NXPE2: variants seen among roughly 807,000 people sequenced by gnomAD.
NXPE2 encodes neurexophilin and PC-esterase domain family member 2, also known as NXPE family member 2.
A neutral mutation model predicts 34.4 loss-of-function variants in NXPE2; 34 were observed. The observed-to-expected ratio is 0.99, with a 90% CI of 0.75 to 1.31. NXPE2 has a LOEUF of 1.31. Ranked by LOEUF, NXPE2 falls within the 40% of genes most tolerant of loss-of-function variation. NXPE2 has a pLI of 0.00. For missense variants in NXPE2, 649 were observed against 672.5 expected, an observed-to-expected ratio of 0.97 and a Z score of 0.39; for synonymous variants, 235 against 231.3, an observed-to-expected ratio of 1.02 and a Z score of -0.15.
chr11:114,670,114 T>C, the NXPE2 span, among the ~76,000 whole-genome samples: 1 of 152,020 alleles, frequency 6.6e-6, no homozygotes, highest in Non-Finnish European at 1.5e-5. Flanking sequence ...AAGGAGTCTA[T>C]ATTTAATTTA....
At chr11:114,760,331 G>A in the NXPE2 span, among the ~76,000 whole-genome samples, 1 of 152,182 alleles carries the variant, frequency 6.6e-6, no homozygotes, top group Admixed American at 6.5e-5. Context: ...GTAAGAATAT[G>A]TCGGTGCCCC....
the NXPE2 span, among the ~76,000 whole-genome samples, chr11:114,557,634 CATAT>C: frequency 0.12 from 15,136 of 127,052 alleles, 1,013 homozygotes; most frequent in Middle Eastern, 0.17. Context: ...ATATATAATA[CATAT>C]ATATATATAT....
the NXPE2 span, among the ~76,000 whole-genome samples, chr11:114,800,412 A>G: frequency 1.3e-5 from 2 of 152,242 alleles, no homozygotes; most frequent in African/African-American, 4.8e-5. Context: ...GGTAGTAGCG[A>G]AGGTTAGACT....
At chr11:114,729,366 A>C in the NXPE2 span, among the ~76,000 whole-genome samples, 7 of 152,272 alleles carry the variant, frequency 4.6e-5, no homozygotes, top group African/African-American at 1.4e-4. Context: ...TACTGTGATG[A>C]ACTTACAAGT....
At chr11:114,485,575 C>T in the NXPE2 span, among the ~76,000 whole-genome samples, 2 of 151,756 alleles carry the variant, frequency 1.3e-5, no homozygotes, top group Admixed American at 1.3e-4. Flanking sequence ...ACTATAGTCA[C>T]CCTGTTGTGC....
At chr11:114,778,244 C>T in the NXPE2 span, among the ~76,000 whole-genome samples, 7 of 152,014 alleles carry the variant, frequency 4.6e-5, no homozygotes, top group African/African-American at 7.2e-5. Flanking sequence ...AGAAGGAACA[C>T]GATGACAAAG....
chr11:114,809,218 C>A, the NXPE2 span, among the ~76,000 whole-genome samples: 1 of 151,966 alleles, frequency 6.6e-6, no homozygotes, highest in Non-Finnish European at 1.5e-5. Context: ...CTATCTATGA[C>A]AAACCCACAA....
chr11:114,706,491 G>T lies in NXPE2; in HGVS notation c.1241G>T (p.Gly414Val). 3 of 1,551,674 alleles carry T rather than the reference G, an allele frequency of 1.9e-6. No homozygotes were observed. The highest frequency in any genetic ancestry group is 2.4e-5 in the South Asian group (2 of 84,062). Reference protein sequence around the residue: ...RHILIQWKKHGHPFVTKKLFS... With the variant: ...RHILIQWKKHVHPFVTKKLFS... ...ATTTTGATTCAGTGGAAAAAACATG[G>T]TCATCCATTTGTTACCAAAAAATTA... Residue 414 changes from glycine to valine, a missense_variant, in exon 6 of 6, where the codon GGT becomes GTT. Coordinates refer to ENST00000389586, the MANE Select transcript of NXPE2 (RefSeq NM_182495.6).
the NXPE2 span, among the ~76,000 whole-genome samples, chr11:114,609,461 G>T: frequency 6.6e-6 from 1 of 151,824 alleles, no homozygotes; most frequent in Non-Finnish European, 1.5e-5. Flanking sequence ...GTTACCCAAT[G>T]GATAATAAGT....
the NXPE2 span, among the ~76,000 whole-genome samples, chr11:114,642,654 A>G: frequency 6.6e-6 from 1 of 151,968 alleles, no homozygotes; most frequent in Non-Finnish European, 1.5e-5. Context: ...TTCTTTATCC[A>G]GTCTATTATT....
At chr11:114,716,899 C>T in the NXPE2 span, among the ~76,000 whole-genome samples, 12 of 151,928 alleles carry the variant, frequency 7.9e-5, no homozygotes, top group Admixed American at 1.3e-4. Context: ...TAGTTTCTGT[C>T]TTTCTATATA....
chr11:114,631,778 A>G, the NXPE2 span, among the ~76,000 whole-genome samples: 1 of 151,594 alleles, frequency 6.6e-6, no homozygotes, highest in Non-Finnish European at 1.5e-5. Context: ...GTATTGCCTC[A>G]TGAGTAATCA....
the NXPE2 span, among the ~76,000 whole-genome samples, chr11:114,603,148 T>C: frequency 5.9e-5 from 9 of 151,788 alleles, no homozygotes; most frequent in African/African-American, 1.4e-4. Context: ...ATTATTGCCT[T>C]GTCTCCTAGG....
chr11:114,681,456 A>G (rs1406145450), intron 2 of NXPE2, among the ~76,000 whole-genome samples: 1 of 152,192 alleles, frequency 6.6e-6, no homozygotes, highest in Non-Finnish European at 1.5e-5. Flanking sequence ...GGACTCATTT[A>G]AATAAAGGGC....
chr11:114,704,028 C>T lies in NXPE2; in HGVS notation c.904C>T (p.Pro302Ser). Reference sequence around the variant, plus strand: ...AGTTGAAATGATGAAGAACTTTACCCCCATTGAGGTCATACCATGCAACAG... The same window carrying T: ...AGTTGAAATGATGAAGAACTTTACCTCCATTGAGGTCATACCATGCAACAG... ...IGVEMMKNFT[P>S]IEVIPCNKSE... The change falls in exon 4 of 6, where the codon CCC (proline) becomes TCC (serine). Residue 302 changes from proline to serine, a missense_variant. Pro to Ser is a moderately conservative substitution (Grantham distance 74). Coordinates refer to ENST00000389586, the MANE Select transcript of NXPE2 (RefSeq NM_182495.6). The T allele has an allele frequency of 7.1e-6, 11 of 1,551,798 alleles. No individual in the cohort carries two copies. The highest frequency in any genetic ancestry group is 9.6e-6 in the Non-Finnish European group (11 of 1,146,672).
At chr11:114,485,658 A>G in the NXPE2 span, among the ~76,000 whole-genome samples, 5 of 151,836 alleles carry the variant, frequency 3.3e-5, no homozygotes, top group African/African-American at 1.2e-4. Context: ...CAAACACACT[A>G]CCCTTCCCAG....
the NXPE2 span, among the ~76,000 whole-genome samples, chr11:114,489,598 G>C: frequency 6.6e-6 from 1 of 151,314 alleles, no homozygotes; most frequent in Non-Finnish European, 1.5e-5. Flanking sequence ...CAGAACCAAA[G>C]ACAAAAACCA....
chr11:114,487,130 T>C, the NXPE2 span, among the ~76,000 whole-genome samples: 1 of 152,168 alleles, frequency 6.6e-6, no homozygotes, highest in Non-Finnish European at 1.5e-5. Context: ...AGTCAATGAA[T>C]ATGGAATGTC....
chr11:114,557,660 TATATATATATATAA>T, the NXPE2 span, among the ~76,000 whole-genome samples: 14 of 96,184 alleles, frequency 1.5e-4, no homozygotes, highest in African/African-American at 6.0e-4. Context: ...TATATATATA[TATATATATATATAA>T]AATCCTTGTT....
Sources: gnomAD v4.1 joint callset for allele counts (sites outside exome capture counted in the v4.1 genomes callset) on GRCh38, gnomAD v4.1.1 for gene constraint, MANE v1.5 for transcripts, NCBI Gene and HGNC (gene_info 2026-07-23, HGNC 2026-07-21) for gene names.